Variants in TMEM132B observed in about 807,000 individuals in gnomAD.
The protein encoded by TMEM132B is transmembrane protein 132B.
In TMEM132B, 18 loss-of-function variants were observed where a neutral mutation model predicts 90.8. That is an observed-to-expected ratio of 0.20 (90% confidence interval 0.14 to 0.29). The LOEUF (loss-of-function observed/expected upper bound fraction) is 0.29, where lower values mean the gene tolerates loss of function less well. Among genes scored for constraint, TMEM132B ranks in the 10% least tolerant of loss-of-function variants. The pLI is 1.00. For missense variants in TMEM132B, 1,096 were observed against 1,326.8 expected, an observed-to-expected ratio of 0.83 and a Z score of 2.70; for synonymous variants, 504 against 523.3, an observed-to-expected ratio of 0.96 and a Z score of 0.50.
At chr12:125,340,104 T>G (rs1028519523) in intron 1 of TMEM132B, among the ~76,000 whole-genome samples, 55 of 152,142 alleles carry the variant, frequency 3.6e-4, no homozygotes, top group Admixed American at 3.3e-3. Context: ...AGAGAGAAAT[T>G]ATACAAACAC....
At chr12:125,267,364 C>A (rs1874720354) in intron 1 of TMEM132B, among the ~76,000 whole-genome samples, 1 of 152,122 alleles carries the variant, frequency 6.6e-6, no homozygotes, top group African/African-American at 2.4e-5. Flanking sequence ...TTGGAAATTG[C>A]ATGCATCACT....
chr12:125,189,410 C>G (rs1291438484), intron 1 of TMEM132B, among the ~76,000 whole-genome samples: 2 of 152,172 alleles, frequency 1.3e-5, no homozygotes, highest in African/African-American at 4.8e-5. Context: ...ACCTGCCCCA[C>G]GACAGAGGGG....
intron 2 of TMEM132B, among the ~76,000 whole-genome samples, chr12:125,379,472 A>G (rs1300369772): frequency 6.6e-6 from 1 of 152,220 alleles, no homozygotes; most frequent in African/African-American, 2.4e-5. Flanking sequence ...AGATTCCAGG[A>G]CAAACAAACA....
chr12:125,420,133 C>A (rs1169746612), intron 3 of TMEM132B, among the ~76,000 whole-genome samples: 4 of 152,242 alleles, frequency 2.6e-5, no homozygotes, highest in Non-Finnish European at 5.9e-5. Flanking sequence ...GTGGATCTAA[C>A]ATTCTGGGGT....
rs1461463746 is a variant in TMEM132B, at chr12:125,555,783, G to A, written c.1294-28068G>A. On this transcript the variant is annotated intron_variant, in intron 4 of 8. Coordinates refer to ENST00000682704, the MANE Select transcript of TMEM132B (RefSeq NM_001366854.1). The stretch of plus-strand genomic sequence containing the variant: ...AGACCCTTACCCCAACTGGGATGTC[G>A]AGTTTGCATAAGAAACAGAAAGTAA... Among the ~76,000 whole-genome samples, 3 of 152,030 alleles carry A rather than the reference G, an allele frequency of 2.0e-5. 1 individual carries two copies. Among genetic ancestry groups the A allele is most frequent in the South Asian group, 4.1e-4 (2 of 4,824 alleles).
In TMEM132B at chr12:125,406,424, C is replaced by A. The variant is rs1341354136; in HGVS notation, c.960-9107C>A. 2.0e-5 allele frequency among the ~76,000 whole-genome samples: 3 copies of A among 152,174 alleles called. No individual in the cohort carries two copies. The highest frequency in any genetic ancestry group is 7.2e-5 in the African/African-American group (3 of 41,442). On this transcript the variant is annotated intron_variant, in intron 2 of 8. Coordinates refer to ENST00000682704, the MANE Select transcript of TMEM132B (RefSeq NM_001366854.1). The surrounding 1 kb of genome is among the most constrained non-coding windows in gnomAD (Gnocchi z 8.3). ...ACATTTCAGCATTTGTGAACAAGTT[C>A]TTTTTCTACTGTGAAATGGGTACCG...
chr12:125,235,441 A>ATT (rs5801590), intron 1 of TMEM132B, among the ~76,000 whole-genome samples: 22 of 140,892 alleles, frequency 1.6e-4, no homozygotes, highest in Middle Eastern at 3.3e-3. Context: ...TTGCTGCTGG[A>ATT]TTTTTTTTTT....
At chr12:125,431,392 G>T (rs1287529651) in intron 3 of TMEM132B, among the ~76,000 whole-genome samples, 1 of 152,112 alleles carries the variant, frequency 6.6e-6, no homozygotes, top group Non-Finnish European at 1.5e-5. Context: ...AAATGATCTG[G>T]CTAACTCTAC....
chr12:125,571,915 C>G (rs1305829911), intron 4 of TMEM132B, among the ~76,000 whole-genome samples: 1 of 152,186 alleles, frequency 6.6e-6, no homozygotes. Context: ...GCACTAATAT[C>G]CTTTATAGCA....
chr12:125,211,751 T>A (rs941240001), intron 1 of TMEM132B, among the ~76,000 whole-genome samples: 3 of 152,244 alleles, frequency 2.0e-5, no homozygotes, highest in African/African-American at 7.2e-5. Context: ...TGCCTTCTCT[T>A]CCTGGCTTCT....
intron 3 of TMEM132B, among the ~76,000 whole-genome samples, chr12:125,442,933 C>G (rs1880915071): frequency 1.3e-5 from 2 of 152,220 alleles, no homozygotes; most frequent in Admixed American, 1.3e-4. Context: ...AAGATACTAG[C>G]CCATCCCTCT....
chr12:125,270,964 C>T (rs77812866), intron 1 of TMEM132B, among the ~76,000 whole-genome samples: 6 of 150,154 alleles, frequency 4.0e-5, no homozygotes, highest in Admixed American at 6.6e-5. Flanking sequence ...TTTTTTTTCC[C>T]GAAAGAGATA....
intron 3 of TMEM132B, among the ~76,000 whole-genome samples, chr12:125,516,135 A>T (rs1299256886): frequency 6.6e-6 from 1 of 151,420 alleles, no homozygotes; most frequent in Non-Finnish European, 1.5e-5. Flanking sequence ...GCAATCTCAC[A>T]CACACACTCA....
intron 4 of TMEM132B, among the ~76,000 whole-genome samples, chr12:125,554,390 A>G (rs1260516631): frequency 7.0e-6 from 1 of 142,630 alleles, no homozygotes; most frequent in African/African-American, 2.6e-5. Context: ...GTGCCACTGC[A>G]CTCTAGCCTG....
rs1887014580 is a variant in TMEM132B at position 125,654,590 on chromosome 12, A to G, written c.3132A>G (p.Pro1044=). The G allele has an allele frequency of 2.5e-6, 4 of 1,614,094 alleles. No individual in the cohort carries two copies. The East Asian group carries it at 8.9e-5, about 36-fold the overall frequency. Residue 1044 remains proline (P), a synonymous_variant, in exon 9 of 9, where the codon CCA becomes CCG. Transcript: ENST00000682704. This position sits in a 1 kb window ranked among gnomAD's most constrained non-coding sequence, Gnocchi z 5.8. ...CCATCCTCCCAGAGGACGGCGGCCC[A>G]TACACCAACTCCATCCTGTTTGACA... ...YTTILPEDGG[P]YTNSILFDSD... is the part of the protein sequence containing the mutation.
At chr12:125,255,233 C>T (rs750608001) in intron 1 of TMEM132B, among the ~76,000 whole-genome samples, 22 of 151,902 alleles carry the variant, frequency 1.4e-4, no homozygotes, top group Non-Finnish European at 2.8e-4. Context: ...CAAATTCTCT[C>T]TCTTCTCTCT....
intron 5 of TMEM132B, among the ~76,000 whole-genome samples, chr12:125,626,155 G>A (rs568010261): frequency 1.3e-5 from 2 of 152,120 alleles, no homozygotes; most frequent in East Asian, 3.9e-4. Context: ...ATTCTTAAGT[G>A]TAGATCTAGA....
intron 3 of TMEM132B, among the ~76,000 whole-genome samples, chr12:125,432,758 G>A (rs949193567): frequency 3.3e-5 from 5 of 151,884 alleles, no homozygotes; most frequent in Non-Finnish European, 7.4e-5. Context: ...TGGCTCATCC[G>A]TCCCTTTGAT....
intron 1 of TMEM132B, among the ~76,000 whole-genome samples, chr12:125,287,716 C>T (rs888236219): frequency 2.0e-5 from 3 of 152,102 alleles, no homozygotes; most frequent in African/African-American, 4.8e-5. Flanking sequence ...TCTAGAGGAT[C>T]GCTTCCAGAA....
Sources: allele counts gnomAD v4.1 joint callset (sites outside exome capture counted in the v4.1 genomes callset), GRCh38; gene constraint gnomAD v4.1.1; non-coding constraint Gnocchi (gnomAD v3.1); transcripts MANE v1.5; gene names NCBI Gene and HGNC (gene_info 2026-07-23, HGNC 2026-07-21).